SNTG1: variants seen among roughly 807,000 people sequenced by gnomAD.
The protein encoded by SNTG1 is gamma-1-syntrophin.
SNTG1 carries 39 observed loss-of-function variants against 74.7 expected under a neutral mutation model. The observed-to-expected ratio is 0.52, with a 90% CI of 0.40 to 0.68. SNTG1 has a LOEUF of 0.68. SNTG1 is among the 30% of genes least tolerant of loss of function. The pLI, the probability that SNTG1 is intolerant of heterozygous loss-of-function variation, is 0.00. For missense variants in SNTG1, 685 were observed against 609.5 expected (o/e 1.12, Z -1.30); for synonymous variants, 254 against 217.1 (o/e 1.17, Z -1.49).
intron 1 of SNTG1, among the ~76,000 whole-genome samples, chr8:50,171,331 A>G (rs769048942): frequency 1.3e-5 from 2 of 152,220 alleles, no homozygotes; most frequent in Non-Finnish European, 2.9e-5. Context: ...GGAGCAAAGA[A>G]ACCAGTTTGA....
At chr8:50,580,986 G>T (rs541322361) in intron 12 of SNTG1, among the ~76,000 whole-genome samples, 2 of 152,234 alleles carry the variant, frequency 1.3e-5, no homozygotes, top group African/African-American at 4.8e-5. Context: ...TGAATTATAT[G>T]TGATTTTGTT....
At chr8:50,709,319 T>C (rs567234351) in intron 17 of SNTG1, 46 of 322,334 alleles carry the variant, frequency 1.4e-4, no homozygotes, top group African/African-American at 8.0e-4. Flanking sequence ...TTAAAAAACA[T>C]GTTTCTTTAT....
chr8:50,452,104 A>G (rs1177204299), intron 8 of SNTG1, among the ~76,000 whole-genome samples: 1 of 152,232 alleles, frequency 6.6e-6, no homozygotes, highest in Admixed American at 6.5e-5. Context: ...CGGCTGCACA[A>G]GAACCGAGAC....
chr8:50,261,998 C>A (rs1197821407), intron 2 of SNTG1, among the ~76,000 whole-genome samples: 1 of 152,042 alleles, frequency 6.6e-6, no homozygotes, highest in Non-Finnish European at 1.5e-5. Context: ...GGGTCCCTAA[C>A]CCCAGTGTAT....
chr8:50,003,647 A>T (rs925533548), intron 1 of SNTG1, among the ~76,000 whole-genome samples: 1 of 152,194 alleles, frequency 6.6e-6, no homozygotes, highest in African/African-American at 2.4e-5. Flanking sequence ...AGGAAACTCT[A>T]TTTAGAAGAT....
chr8:50,670,426 G>A (rs1240955811), intron 15 of SNTG1, among the ~76,000 whole-genome samples: 1 of 151,572 alleles, frequency 6.6e-6, no homozygotes, highest in East Asian at 1.9e-4. Flanking sequence ...AAATCTTGAG[G>A]GAACTCCCAT....
chr8:50,169,947 T>C (rs564640867), intron 1 of SNTG1, among the ~76,000 whole-genome samples: 2 of 152,210 alleles, frequency 1.3e-5, no homozygotes, highest in East Asian at 3.9e-4. Flanking sequence ...GGACCCCATG[T>C]GTAAAATAAT....
At chr8:50,133,796 A>C (rs1055627477) in intron 1 of SNTG1, among the ~76,000 whole-genome samples, 1 of 152,190 alleles carries the variant, frequency 6.6e-6, no homozygotes, top group Non-Finnish European at 1.5e-5. Context: ...ACTTTATTTT[A>C]ACCATTTATA....
intron 15 of SNTG1, among the ~76,000 whole-genome samples, chr8:50,690,065 G>A (rs2131438654): frequency 6.6e-6 from 1 of 152,298 alleles, no homozygotes. Context: ...TCTGATGGTA[G>A]TTTGTATTTC....
Position 49,975,014 on chromosome 8 carries a change from T to A in SNTG1, c.-103+62783T>A, listed in dbSNP as rs75598145. ...CAGGCAGGGTCCATGGACACGTCCATGGAAATGATAGTCCAGGAAAGGTTC... is the reference window on the plus strand; with the variant it reads ...CAGGCAGGGTCCATGGACACGTCCAAGGAAATGATAGTCCAGGAAAGGTTC... On this transcript the variant is annotated intron_variant, in intron 1 of 18. Coordinates refer to ENST00000642720, the MANE Select transcript of SNTG1 (RefSeq NM_018967.5). Among the ~76,000 whole-genome samples the A allele has an allele frequency of 2.8e-4, 43 of 152,138 alleles. 1 individual carries two copies. In the East Asian group the frequency reaches 8.1e-3, roughly 29 times the overall value.
chr8:50,228,578 A>G (rs576919297), intron 2 of SNTG1, among the ~76,000 whole-genome samples: 1 of 152,048 alleles, frequency 6.6e-6, no homozygotes, highest in Admixed American at 6.6e-5. Context: ...AAATTACAAG[A>G]GACTTCTCAT....
chr8:50,425,121 C>A (rs907518672), intron 4 of SNTG1, among the ~76,000 whole-genome samples: 1 of 152,044 alleles, frequency 6.6e-6, no homozygotes, highest in African/African-American at 2.4e-5. Flanking sequence ...AGAAATGGCA[C>A]AAGATTTGCG....
chr8:50,746,677 T>C (rs988539027), intron 17 of SNTG1, among the ~76,000 whole-genome samples: 3 of 151,680 alleles, frequency 2.0e-5, no homozygotes, highest in East Asian at 1.9e-4. Context: ...TCTGCTGATA[T>C]TAGTTTATTA....
At chr8:50,163,991 T>A (rs2082520631) in intron 1 of SNTG1, 2 of 152,100 alleles carry the variant, frequency 1.3e-5, no homozygotes, top group African/African-American at 4.8e-5. Flanking sequence ...GACTGAAATC[T>A]ATGGGTTTGA....
intron 17 of SNTG1, among the ~76,000 whole-genome samples, chr8:50,729,792 G>A (rs763370400): frequency 4.3e-4 from 65 of 152,172 alleles, no homozygotes; most frequent in Non-Finnish European, 6.0e-4. Flanking sequence ...TCATACTTAA[G>A]GGGAATTCTG....
At chr8:50,675,804 C>G (rs1264897628) in intron 15 of SNTG1, among the ~76,000 whole-genome samples, 1 of 151,978 alleles carries the variant, frequency 6.6e-6, no homozygotes, top group Admixed American at 6.6e-5. Context: ...ACCCGTTTTT[C>G]CTTTCCATAT....
chr8:50,734,798 CAT>C (rs1199868909), intron 17 of SNTG1, among the ~76,000 whole-genome samples: 2,507 of 85,670 alleles, frequency 0.029, 262 homozygotes, highest in African/African-American at 0.065. Flanking sequence ...TATATATGGA[CAT>C]ATATATAGAT....
chr8:50,359,666 T>C (rs1021019762), intron 2 of SNTG1, among the ~76,000 whole-genome samples: 2 of 152,180 alleles, frequency 1.3e-5, no homozygotes, highest in African/African-American at 2.4e-5. Context: ...ATACTTTAAA[T>C]GCGTGAAAGA....
chr8:50,793,877 A>C lies in SNTG1; in HGVS notation c.*1048A>C, dbSNP rs1033430065. On this transcript the variant is annotated 3_prime_UTR_variant, in exon 19 of 19. Coordinates refer to ENST00000642720, the MANE Select transcript of SNTG1 (RefSeq NM_018967.5). ...GAAACAAAGGTGATATTTAAAGATAAAAGTTAAAATTCTTTAACCTCCCTT... is the reference window on the plus strand; with the variant it reads ...GAAACAAAGGTGATATTTAAAGATACAAGTTAAAATTCTTTAACCTCCCTT... 1 of 151,952 alleles carries C rather than the reference A, an allele frequency of 6.6e-6. No individual in the cohort carries two copies. Among genetic ancestry groups the C allele is most frequent in the Non-Finnish European group, 1.5e-5 (1 of 67,908 alleles). The allele number at this position is 151,952 out of a possible 1,614,324, so 9.4% of individuals were successfully genotyped here.
Sources: allele counts gnomAD v4.1 joint callset (sites outside exome capture counted in the v4.1 genomes callset), GRCh38; gene constraint gnomAD v4.1.1; transcripts MANE v1.5; gene names NCBI Gene and HGNC (gene_info 2026-07-23, HGNC 2026-07-21).